Variants in GLRA3 observed in about 807,000 individuals in gnomAD.
The protein encoded by GLRA3 is glycine receptor subunit alpha-3.
A neutral mutation model predicts 60.4 loss-of-function variants in GLRA3; 44 were observed. The ratio of observed to expected loss-of-function variants is 0.73; its 90% CI spans 0.57 to 0.94. The LOEUF (loss-of-function observed/expected upper bound fraction) is 0.94. GLRA3 is among the 40% of genes least tolerant of loss of function. The pLI is 0.00. For missense variants in GLRA3, 508 were observed against 564.6 expected (o/e 0.90, Z 1.02); for synonymous variants, 223 against 192.9 (o/e 1.16, Z -1.29).
intron 1 of GLRA3, 57 bp from the exon 2 acceptor site, chr4:174,789,000 T>C: frequency 5.4e-6 from 6 of 1,106,600 alleles, no homozygotes; most frequent in Non-Finnish European, 7.8e-6. Flanking sequence ...TAATAATTGT[T>C]ACCTACAAAT....
At chr4:174,777,920 T>G (rs1055780875) in intron 2 of GLRA3, among the ~76,000 whole-genome samples, 2 of 152,178 alleles carry the variant, frequency 1.3e-5, no homozygotes, top group Non-Finnish European at 2.9e-5. Context: ...ATATAAGCAT[T>G]ACTCCTGTCT....
intron 1 of GLRA3, among the ~76,000 whole-genome samples, chr4:174,812,061 A>G (rs540366211): frequency 9.2e-5 from 14 of 152,316 alleles, no homozygotes; most frequent in African/African-American, 3.4e-4. Context: ...ATTATCAGAA[A>G]AATACTACAA....
At chr4:174,734,390 G>A (rs770651876) in intron 3 of GLRA3, among the ~76,000 whole-genome samples, 1 of 152,066 alleles carries the variant, frequency 6.6e-6, no homozygotes, top group East Asian at 1.9e-4. Context: ...TAAGAACCCC[G>A]CCACAGGGAG....
chr4:174,777,610 T>C lies in GLRA3; in HGVS notation c.200-10580A>G, dbSNP rs548898148. Among the ~76,000 whole-genome samples, 22 of 152,354 alleles carry C rather than the reference T, an allele frequency of 1.4e-4. 1 individual carries two copies. In the South Asian group the frequency reaches 4.6e-3, roughly 32 times the overall value. On this transcript the variant is annotated intron_variant, in intron 2 of 9. Coordinates refer to ENST00000274093, the MANE Select transcript of GLRA3 (RefSeq NM_006529.4). ...AGATTTTAGGGCAGTGAAATTATTC[T>C]GTATGATACAGTAATGACAAACACA...
At chr4:174,663,888 C>T (rs911707311) in intron 7 of GLRA3, among the ~76,000 whole-genome samples, 1 of 152,150 alleles carries the variant, frequency 6.6e-6, no homozygotes, top group African/African-American at 2.4e-5. Flanking sequence ...TCCCAAAAGA[C>T]CCATTGTCCA....
At chr4:174,662,799 A>G (rs1579405931) in intron 7 of GLRA3, among the ~76,000 whole-genome samples, 1 of 146,132 alleles carries the variant, frequency 6.8e-6, no homozygotes, top group South Asian at 2.2e-4. Context: ...ACCCTAACAC[A>G]TTGCATTGGA....
At chr4:174,824,835 T>C (rs1212362305) in intron 1 of GLRA3, among the ~76,000 whole-genome samples, 1 of 152,152 alleles carries the variant, frequency 6.6e-6, no homozygotes, top group African/African-American at 2.4e-5. Flanking sequence ...TTCTAGACTC[T>C]AAGTTGCTAA....
At chr4:174,671,388 T>C (rs1733901844) in intron 7 of GLRA3, among the ~76,000 whole-genome samples, 1 of 152,162 alleles carries the variant, frequency 6.6e-6, no homozygotes, top group Non-Finnish European at 1.5e-5. Flanking sequence ...TTTAAGGGTT[T>C]TTTTTTAGAA....
At chr4:174,672,038 T>C (rs1447821405) in intron 7 of GLRA3, among the ~76,000 whole-genome samples, 1 of 152,166 alleles carries the variant, frequency 6.6e-6, no homozygotes, top group East Asian at 1.9e-4. Flanking sequence ...TTCTAAGTAA[T>C]CATTGACCAT....
chr4:174,788,590 T>TAAAAAAA (rs35640897), intron 2 of GLRA3, among the ~76,000 whole-genome samples: 62 of 87,780 alleles, frequency 7.1e-4, no homozygotes, highest in East Asian at 1.7e-3. Context: ...GTTAGAGAAG[T>TAAAAAAA]AAAAAAAAAA....
chr4:174,655,109 G>A (rs1733151136), intron 9 of GLRA3, among the ~76,000 whole-genome samples: 1 of 152,032 alleles, frequency 6.6e-6, no homozygotes, highest in Non-Finnish European at 1.5e-5. Context: ...TGCCTGTTCT[G>A]CCAAATTAGA....
intron 1 of GLRA3, among the ~76,000 whole-genome samples, chr4:174,813,885 C>G (rs911677270): frequency 6.6e-6 from 1 of 152,182 alleles, no homozygotes; most frequent in Non-Finnish European, 1.5e-5. Flanking sequence ...AAGCTCACAT[C>G]TTCTGAAACA....
intron 3 of GLRA3, among the ~76,000 whole-genome samples, chr4:174,735,959 A>G (rs1736769183): frequency 6.6e-6 from 1 of 152,158 alleles, no homozygotes; most frequent in African/African-American, 2.4e-5. Flanking sequence ...AAACAGTGAA[A>G]ATCTCTGGGG....
chr4:174,670,411 A>G (rs1561044618), intron 7 of GLRA3, among the ~76,000 whole-genome samples: 1 of 152,146 alleles, frequency 6.6e-6, no homozygotes, highest in Non-Finnish European at 1.5e-5. Context: ...ATTTTGGGGC[A>G]AAGTGCTTTC....
intron 1 of GLRA3, 70 bp downstream of exon 1, chr4:174,828,671 A>T: frequency 1.1e-6 from 1 of 918,242 alleles, no homozygotes; most frequent in Non-Finnish European, 1.8e-6. Context: ...GGTCTCATCA[A>T]TAACAAGTGG....
chr4:174,800,118 G>T (rs745593767), intron 1 of GLRA3, among the ~76,000 whole-genome samples: 2 of 152,034 alleles, frequency 1.3e-5, no homozygotes, highest in Non-Finnish European at 2.9e-5. Context: ...GCTAAAAAGA[G>T]AATTACTTGT....
At chr4:174,649,357 G>A (rs1430755155) in intron 9 of GLRA3, among the ~76,000 whole-genome samples, 6 of 152,144 alleles carry the variant, frequency 3.9e-5, no homozygotes, top group African/African-American at 1.4e-4. Flanking sequence ...AAGAGAGTAA[G>A]ATATACTCAG....
intron 2 of GLRA3, among the ~76,000 whole-genome samples, chr4:174,769,376 AC>A (rs1425659223): frequency 6.6e-6 from 1 of 152,080 alleles, no homozygotes; most frequent in Non-Finnish European, 1.5e-5. Context: ...CCCCAGCCAA[AC>A]AATAGAATAT....
At chr4:174,645,420 CA>C (rs201216075) in intron 9 of GLRA3, among the ~76,000 whole-genome samples, 394 of 76,128 alleles carry the variant, frequency 5.2e-3, no homozygotes, top group African/African-American at 0.01. Context: ...ACTCCGTCTC[CA>C]AAAAAAAAAA....
Sources: allele counts gnomAD v4.1 joint callset (sites outside exome capture counted in the v4.1 genomes callset), GRCh38; gene constraint gnomAD v4.1.1; transcripts MANE v1.5; gene names NCBI Gene and HGNC (gene_info 2026-07-23, HGNC 2026-07-21).